The following GPC5 variants were observed in gnomAD, a reference collection of about 807,000 sequenced individuals.
GPC5 encodes the protein glypican-5.
In GPC5, 47 loss-of-function variants were observed where a neutral mutation model predicts 53.9. That is an observed-to-expected ratio of 0.87 (90% CI 0.69 to 1.11). GPC5 has a LOEUF of 1.11. Among genes scored for constraint, GPC5 ranks in the 50% most tolerant of loss-of-function variants. GPC5 has a pLI of 0.00. For missense variants in GPC5, 748 were observed against 713.1 expected (o/e 1.05, Z -0.56); for synonymous variants, 286 against 263.3 (o/e 1.09, Z -0.84).
intron 2 of GPC5, among the ~76,000 whole-genome samples, chr13:91,521,576 G>A (rs1207862146): frequency 6.6e-6 from 1 of 152,068 alleles, no homozygotes; most frequent in African/African-American, 2.4e-5. Flanking sequence ...TAAAAAACAT[G>A]TTCTGACAAA....
At chr13:91,952,198 T>C (rs2040032972) in intron 6 of GPC5, among the ~76,000 whole-genome samples, 1 of 120,660 alleles carries the variant, frequency 8.3e-6, no homozygotes, top group Non-Finnish European at 2.0e-5. Flanking sequence ...TCTGTGTGTG[T>C]GTGTGTGTGT....
chr13:92,646,931 T>A (rs1885791973), intron 7 of GPC5, among the ~76,000 whole-genome samples: 2 of 92,268 alleles, frequency 2.2e-5, no homozygotes, highest in African/African-American at 9.0e-5. Flanking sequence ...TATATAAACA[T>A]GTGTGTGTGT....
intron 7 of GPC5, among the ~76,000 whole-genome samples, chr13:92,798,998 A>G (rs930404592): frequency 4.0e-5 from 6 of 151,800 alleles, no homozygotes; most frequent in Admixed American, 3.3e-4. Flanking sequence ...AAACTGGTAA[A>G]CTAGAAAAAT....
chr13:92,207,500 C>G (rs947375421), intron 7 of GPC5, among the ~76,000 whole-genome samples: 2 of 152,194 alleles, frequency 1.3e-5, no homozygotes, highest in Admixed American at 1.3e-4. Context: ...CTGCTTTTCC[C>G]TCCACCATAA....
At chr13:92,314,698 A>T (rs1031938412) in intron 7 of GPC5, among the ~76,000 whole-genome samples, 1 of 152,218 alleles carries the variant, frequency 6.6e-6, no homozygotes, top group African/African-American at 2.4e-5. Context: ...TAGACATCTG[A>T]TACATTAAAT....
At chr13:91,955,401 A>G (rs1238471604) in intron 6 of GPC5, among the ~76,000 whole-genome samples, 1 of 152,242 alleles carries the variant, frequency 6.6e-6, no homozygotes, top group East Asian at 1.9e-4. Flanking sequence ...TCTCCTGGAC[A>G]ACGAAGAAGC....
At chr13:92,710,275 C>A (rs907477870) in intron 7 of GPC5, among the ~76,000 whole-genome samples, 6 of 152,050 alleles carry the variant, frequency 3.9e-5, no homozygotes, top group African/African-American at 1.2e-4. Context: ...ATTGGTATTA[C>A]TAATTCAAAA....
chr13:92,189,132 G>A (rs567356696), intron 7 of GPC5, among the ~76,000 whole-genome samples: 1 of 152,288 alleles, frequency 6.6e-6, no homozygotes, highest in South Asian at 2.1e-4. Context: ...AGCTTTACTA[G>A]GTCCCCACGG....
chr13:92,424,184 G>T (rs986271749), intron 7 of GPC5, among the ~76,000 whole-genome samples: 1 of 151,914 alleles, frequency 6.6e-6, no homozygotes, highest in Non-Finnish European at 1.5e-5. Flanking sequence ...TAGGGTTATT[G>T]CTTCTCCAGA....
intron 7 of GPC5, among the ~76,000 whole-genome samples, chr13:92,852,053 AGTAC>A (rs1878826665): frequency 1.3e-5 from 2 of 152,164 alleles, no homozygotes; most frequent in African/African-American, 4.8e-5. Flanking sequence ...AGAGATTCGG[AGTAC>A]CAACAGGAGG....
intron 2 of GPC5, among the ~76,000 whole-genome samples, chr13:91,552,716 G>A (rs1312426039): frequency 7.2e-5 from 11 of 152,048 alleles, no homozygotes. Context: ...TCCACCCTGG[G>A]CAGACCAGGT....
chr13:92,562,907 A>G (rs1384612336), intron 7 of GPC5, among the ~76,000 whole-genome samples: 32 of 152,014 alleles, frequency 2.1e-4, no homozygotes, highest in Admixed American at 2.1e-3. Flanking sequence ...ATGGTAAACC[A>G]TCACATTATG....
intron 6 of GPC5, among the ~76,000 whole-genome samples, chr13:91,933,447 A>T (rs1249106370): frequency 6.6e-6 from 1 of 151,980 alleles, no homozygotes; most frequent in East Asian, 1.9e-4. Flanking sequence ...TTCTATAGAA[A>T]GATAAAAGAG....
chr13:92,695,769 G>T (rs1332980134), intron 7 of GPC5, among the ~76,000 whole-genome samples: 1 of 151,636 alleles, frequency 6.6e-6, no homozygotes, highest in Non-Finnish European at 1.5e-5. Flanking sequence ...TGTTACATAG[G>T]TATACATGTG....
chr13:92,395,346 A>C (rs1875219298), intron 7 of GPC5, among the ~76,000 whole-genome samples: 1 of 152,190 alleles, frequency 6.6e-6, no homozygotes, highest in Admixed American at 6.5e-5. Flanking sequence ...ATAATATGAT[A>C]ACACTTCACA....
At chr13:92,395,251 A>G (rs967843627) in intron 7 of GPC5, among the ~76,000 whole-genome samples, 2 of 152,128 alleles carry the variant, frequency 1.3e-5, no homozygotes, top group African/African-American at 2.4e-5. Context: ...CTTTTAGCAT[A>G]TCAATTATAA....
chr13:91,820,902 G>T lies in GPC5; in HGVS notation c.1280+64482G>T, dbSNP rs368695638. On this transcript the variant is annotated intron_variant, in intron 5 of 7. Coordinates refer to ENST00000377067, the MANE Select transcript of GPC5 (RefSeq NM_004466.6). ...GGCATGAACCCGGGAAGCGGAGCTT[G>T]CAGTGAGCTGAGATCGTGCCACTGC... Among the ~76,000 whole-genome samples the T allele has an allele frequency of 4.6e-4, 70 of 152,124 alleles. 1 individual carries two copies. In the South Asian group the frequency reaches 0.014, roughly 31 times the overall value.
intron 1 of GPC5, 53 bp downstream of exon 1, chr13:91,399,262 G>T: frequency 3.2e-6 from 5 of 1,562,562 alleles, no homozygotes; most frequent in Non-Finnish European, 4.3e-6. Context: ...CCCGGCCTTC[G>T]CTCCCCCAGG....
At position 92,445,715 on chromosome 13, in the gene GPC5, T is replaced by C. The variant is rs183752274; in HGVS notation, c.1561+300726T>C. Among the ~76,000 whole-genome samples the C allele has an allele frequency of 1.7e-4, 26 of 152,050 alleles. No homozygotes were observed. The East Asian group carries it at 4.9e-3, about 28-fold the overall frequency. ...CACATTTTCTTAATCCAGTCTATCA[T>C]TGTTGGACGTTTGGGTTGGTTCCAA... On this transcript the variant is annotated intron_variant, in intron 7 of 7. Transcript: ENST00000377067.
Sources: gnomAD v4.1 joint callset for allele counts (sites outside exome capture counted in the v4.1 genomes callset) on GRCh38, gnomAD v4.1.1 for gene constraint, MANE v1.5 for transcripts, NCBI Gene and HGNC (gene_info 2026-07-23, HGNC 2026-07-21) for gene names.